SYT1: variants seen among roughly 807,000 people sequenced by gnomAD.
SYT1 encodes the protein synaptotagmin 1.
SYT1 carries 8 observed loss-of-function variants against 44.8 expected under a neutral mutation model. The ratio of observed to expected loss-of-function variants is 0.18; its 90% CI spans 0.10 to 0.32. SYT1 has a LOEUF of 0.32. Among genes scored for constraint, SYT1 ranks in the 10% least tolerant of loss-of-function variants. The pLI is 1.00. For missense variants in SYT1, 286 were observed against 509.3 expected (o/e 0.56, Z 4.22); for synonymous variants, 154 against 188.8 (o/e 0.82, Z 1.51).
At chr12:79,026,664 A>AT (rs1309697584) in intron 2 of SYT1, among the ~76,000 whole-genome samples, 133 of 83,004 alleles carry the variant, frequency 1.6e-3, no homozygotes, top group East Asian at 0.012. Flanking sequence ...ATACATATAT[A>AT]TTTTATATAT....
intron 2 of SYT1, among the ~76,000 whole-genome samples, chr12:79,016,233 A>G (rs1272288735): frequency 6.6e-6 from 1 of 152,182 alleles, no homozygotes; most frequent in Non-Finnish European, 1.5e-5. Context: ...GGACATGTAT[A>G]GTGAATTTAT....
chr12:79,217,909 A>C (rs1252594535), intron 4 of SYT1, among the ~76,000 whole-genome samples: 1 of 151,836 alleles, frequency 6.6e-6, no homozygotes, highest in Non-Finnish European at 1.5e-5. Flanking sequence ...CAAAAAAAAA[A>C]AAGTCTGCAG....
In SYT1 at chr12:79,129,191, G is replaced by T. The variant is rs143934618; in HGVS notation, c.-18+81829G>T. Among the ~76,000 whole-genome samples, 806 of 152,208 alleles carry T rather than the reference G, an allele frequency of 5.3e-3. 10 individuals carry two copies. Among genetic ancestry groups the T allele is most frequent in the Middle Eastern group, 0.017 (5 of 294 alleles). ...TAATTGGTGTGGCATGACTCATAAA[G>T]CCTTTGCAATTTTTGTTTTATTATG... On this transcript the variant is annotated intron_variant, in intron 3 of 10. Transcript: ENST00000261205.
chr12:79,448,447 C>CA (rs2136210884), intron 10 of SYT1, among the ~76,000 whole-genome samples: 1 of 152,234 alleles, frequency 6.6e-6, no homozygotes, highest in Non-Finnish European at 1.5e-5. Flanking sequence ...GATTATTGCA[C>CA]ATGGTTGCCT....
rs758452258 is a variant in SYT1, at chr12:79,444,211, T to G, written c.1062+5T>G. On this transcript the variant is annotated splice_donor_5th_base_variant and intron_variant, in intron 10 of 10. Transcript: ENST00000261205. ...GTACCTTTTGAACAAATCCAGGTAA[T>G]GTCAAACATAACTTTGTCTTCCCAC... 1.3e-5 allele frequency: 21 copies of G among 1,612,278 alleles called. No individual in the cohort carries two copies. In the South Asian group the frequency reaches 2.3e-4, roughly 18 times the overall value.
At chr12:78,942,054 G>C (rs1878405493) in intron 1 of SYT1, among the ~76,000 whole-genome samples, 2 of 152,066 alleles carry the variant, frequency 1.3e-5, no homozygotes, top group African/African-American at 4.8e-5. Context: ...TGTCTTTGTG[G>C]AGAACCCTTC....
At chr12:79,409,299 A>G (rs1476504039) in intron 9 of SYT1, among the ~76,000 whole-genome samples, 2 of 152,138 alleles carry the variant, frequency 1.3e-5, no homozygotes, top group African/African-American at 4.8e-5. Flanking sequence ...TGGAGCAAAA[A>G]CAATGTAACT....
intron 10 of SYT1, among the ~76,000 whole-genome samples, chr12:79,444,892 A>AT (rs1870619882): frequency 6.6e-6 from 1 of 152,094 alleles, no homozygotes; most frequent in South Asian, 2.1e-4. Context: ...AAATATTTAC[A>AT]TTTTCTCACC....
intron 1 of SYT1, among the ~76,000 whole-genome samples, chr12:78,871,952 ATAAACCAGATCATTC>A (rs1873843617): frequency 6.6e-6 from 1 of 151,902 alleles, no homozygotes; most frequent in Non-Finnish European, 1.5e-5. Context: ...TTAAATATGT[ATAAACCAGATCATTC>A]TATGCCTGAA....
Position 79,336,183 on chromosome 12 carries a change from A to G in SYT1, c.811-17319A>G, listed in dbSNP as rs574719099. On this transcript the variant is annotated intron_variant, in intron 8 of 10. Coordinates refer to ENST00000261205, the MANE Select transcript of SYT1 (RefSeq NM_005639.3). ...TATTTCTGTGGATTTGAATTACTGC[A>G]AATATGTCTCCTGGGTTCTTCCCAA... is the stretch of plus-strand genomic sequence containing the variant. 9.2e-5 allele frequency among the ~76,000 whole-genome samples: 14 copies of G among 152,266 alleles called. No homozygotes were observed. In the South Asian group the frequency reaches 2.9e-3, roughly 32 times the overall value.
chr12:79,233,152 C>A (rs181824520), intron 4 of SYT1, among the ~76,000 whole-genome samples: 107 of 152,246 alleles, frequency 7.0e-4, no homozygotes, highest in African/African-American at 2.5e-3. Flanking sequence ...CAAGCAGCCA[C>A]CAAATTGGTC....
intron 3 of SYT1, among the ~76,000 whole-genome samples, chr12:79,071,125 A>G (rs1031300900): frequency 2.0e-5 from 3 of 152,152 alleles, no homozygotes; most frequent in Admixed American, 6.6e-5. Flanking sequence ...TCCTTTTCAA[A>G]AAATACTTAA....
chr12:78,883,618 G>A lies in SYT1; in HGVS notation c.-217+18509G>A, dbSNP rs551761380. 3.5e-4 allele frequency among the ~76,000 whole-genome samples: 53 copies of A among 151,774 alleles called. 1 individual carries two copies. The highest frequency in any genetic ancestry group is 5.8e-4 in the Non-Finnish European group (39 of 67,722). ...CATGGACAATTAAGAGTGAAGAGAT[G>A]ATGTATAATAATATATTCCAATTTC... On this transcript the variant is annotated intron_variant, in intron 1 of 10. Coordinates refer to ENST00000261205, the MANE Select transcript of SYT1 (RefSeq NM_005639.3).
chr12:79,306,791 A>G (rs1880418755), intron 8 of SYT1, among the ~76,000 whole-genome samples: 6 of 152,242 alleles, frequency 3.9e-5, no homozygotes, highest in Admixed American at 3.9e-4. Context: ...ATAAGCTGGC[A>G]GAGCAGAAAG....
chr12:78,951,178 A>G (rs1158843173), intron 1 of SYT1, among the ~76,000 whole-genome samples: 1 of 152,142 alleles, frequency 6.6e-6, no homozygotes, highest in Non-Finnish European at 1.5e-5. Context: ...TTCATAATAA[A>G]TCCTTACTTG....
chr12:78,898,149 C>G (rs928148340), intron 1 of SYT1, among the ~76,000 whole-genome samples: 3 of 151,934 alleles, frequency 2.0e-5, no homozygotes, highest in Admixed American at 1.3e-4. Flanking sequence ...GAATGTTGAG[C>G]AAATTACTTA....
intron 8 of SYT1, among the ~76,000 whole-genome samples, chr12:79,342,766 G>T (rs780055039): frequency 5.9e-5 from 9 of 152,208 alleles, no homozygotes; most frequent in Non-Finnish European, 1.3e-4. Flanking sequence ...CCCCTTGGAT[G>T]CTAATATCAT....
chr12:79,072,264 C>T (rs1876333906), intron 3 of SYT1, among the ~76,000 whole-genome samples: 1 of 152,130 alleles, frequency 6.6e-6, no homozygotes, highest in Non-Finnish European at 1.5e-5. Context: ...TGTGTAACCT[C>T]TCTCTTTCGT....
chr12:79,285,122 C>T (rs977215722), intron 4 of SYT1, among the ~76,000 whole-genome samples: 2 of 152,168 alleles, frequency 1.3e-5, no homozygotes, highest in Admixed American at 1.3e-4. Flanking sequence ...TCAGTGCATA[C>T]ATTTTCCCCA....
Sources: gnomAD v4.1 joint callset for allele counts (sites outside exome capture counted in the v4.1 genomes callset) on GRCh38, gnomAD v4.1.1 for gene constraint, MANE v1.5 for transcripts, NCBI Gene and HGNC (gene_info 2026-07-23, HGNC 2026-07-21) for gene names.